The following RNLS variants were observed in gnomAD, a reference collection of about 807,000 sequenced individuals.
The protein encoded by RNLS is renalase.
Under a neutral mutation model 39.8 loss-of-function variants are expected in RNLS, and 39 were observed. The observed-to-expected ratio is 0.98, with a 90% confidence interval of 0.76 to 1.28. The LOEUF is 1.28. RNLS is among the 50% of genes most tolerant of loss of function. RNLS has a pLI of 0.00. For missense variants in RNLS, 410 were observed against 413.3 expected, an observed-to-expected ratio of 0.99 and a Z score of 0.07; for synonymous variants, 147 against 150.7, an observed-to-expected ratio of 0.98 and a Z score of 0.18.
intron 4 of RNLS, among the ~76,000 whole-genome samples, chr10:88,515,530 A>C (rs1056347941): frequency 6.6e-6 from 1 of 152,016 alleles, no homozygotes; most frequent in African/African-American, 2.4e-5. Flanking sequence ...TTAACTCCTC[A>C]AGGCTGGTTT....
chr10:88,222,000 G>T, the RNLS span, among the ~76,000 whole-genome samples: 1 of 152,200 alleles, frequency 6.6e-6, no homozygotes, highest in East Asian at 1.9e-4. Flanking sequence ...ATGCTGGATG[G>T]AAAGTTGGGT....
the RNLS span, among the ~76,000 whole-genome samples, chr10:88,203,407 TATATACAC>T: frequency 0.72 from 18,855 of 26,198 alleles, 8,122 homozygotes; most frequent in Non-Finnish European, 0.84. Context: ...TATATATATA[TATATACAC>T]GTATGTGTAT....
At chr10:88,184,228 C>T in the RNLS span, among the ~76,000 whole-genome samples, 3 of 152,114 alleles carry the variant, frequency 2.0e-5, no homozygotes, top group African/African-American at 7.2e-5. Flanking sequence ...TCAAGAGCTA[C>T]CTGTCCTTGA....
chr10:88,571,273 C>T (rs554506330), intron 4 of RNLS, among the ~76,000 whole-genome samples: 1 of 152,104 alleles, frequency 6.6e-6, no homozygotes, highest in African/African-American at 2.4e-5. Context: ...TGAGCTACCA[C>T]ACCTGGCCTA....
intron 4 of RNLS, among the ~76,000 whole-genome samples, chr10:88,413,332 C>T (rs1461837657): frequency 6.6e-6 from 1 of 152,124 alleles, no homozygotes. Context: ...GAACTTAATT[C>T]CCAACATTAC....
In RNLS at chr10:88,582,921, G is replaced by A. The variant is rs564500309; in HGVS notation, c.118+152C>T. 171 of 856,508 alleles carry A rather than the reference G, an allele frequency of 2.0e-4. 1 individual carries two copies. The African/African-American group carries it at 3.0e-3, about 15-fold the overall frequency. The allele number at this position is 856,508 out of a possible 1,614,324, so 53.1% of individuals were successfully genotyped here. On this transcript the variant is annotated intron_variant, in intron 1 of 6. Coordinates refer to ENST00000331772, the MANE Select transcript of RNLS (RefSeq NM_001031709.3). ...AGTCCCCGATCACGTGACGAGGCGC[G>A]CCACTCGGCGCATGGGCCGCGCTAC... is the stretch of plus-strand genomic sequence containing the variant.
chr10:88,440,929 A>C (rs1841675247), intron 4 of RNLS, among the ~76,000 whole-genome samples: 1 of 152,204 alleles, frequency 6.6e-6, no homozygotes, highest in African/African-American at 2.4e-5. Context: ...AGGAGAAAGA[A>C]AGAATGGAAG....
chr10:88,416,220 TTA>T (rs1007425786), intron 4 of RNLS, among the ~76,000 whole-genome samples: 17 of 148,256 alleles, frequency 1.1e-4, no homozygotes, highest in Admixed American at 3.4e-4. Flanking sequence ...TATATCTGAA[TTA>T]TATATATATA....
chr10:88,172,839 G>GTTTTT, the RNLS span, among the ~76,000 whole-genome samples: 31 of 31,502 alleles, frequency 9.8e-4, 2 homozygotes, highest in African/African-American at 2.3e-3. Context: ...TGCATTTTGA[G>GTTTTT]TTGTTTTTTT....
intron 6 of RNLS, among the ~76,000 whole-genome samples, chr10:88,277,629 A>G (rs1014175016): frequency 1.3e-5 from 2 of 152,210 alleles, no homozygotes; most frequent in African/African-American, 2.4e-5. Flanking sequence ...TCATCAATCT[A>G]AAAGTTGGTG....
At chr10:88,514,323 GA>G (rs1179295311) in intron 4 of RNLS, among the ~76,000 whole-genome samples, 2 of 151,946 alleles carry the variant, frequency 1.3e-5, no homozygotes, top group Admixed American at 1.3e-4. Context: ...CAGCATGGGG[GA>G]AACCACCCCC....
intron 4 of RNLS, among the ~76,000 whole-genome samples, chr10:88,426,591 T>C (rs187317721): frequency 6.6e-6 from 1 of 152,214 alleles, no homozygotes; most frequent in East Asian, 1.9e-4. Flanking sequence ...CATTTAATCA[T>C]AGCTATCACT....
At chr10:88,549,134 C>T (rs1848488700) in intron 4 of RNLS, among the ~76,000 whole-genome samples, 1 of 152,112 alleles carries the variant, frequency 6.6e-6, no homozygotes, top group Non-Finnish European at 1.5e-5. Context: ...ACTGTCTCAT[C>T]TCCTAAAACT....
At chr10:88,352,928 G>C (rs566657138) in intron 5 of RNLS, among the ~76,000 whole-genome samples, 6 of 152,308 alleles carry the variant, frequency 3.9e-5, no homozygotes, top group African/African-American at 1.4e-4. Flanking sequence ...TTTAGTCTTA[G>C]GAAGGTGTAT....
intron 5 of RNLS, among the ~76,000 whole-genome samples, chr10:88,347,616 A>G (rs538967015): frequency 7.9e-5 from 12 of 152,108 alleles, no homozygotes; most frequent in African/African-American, 2.6e-4. Context: ...ACCCCCCCCA[A>G]TAAAAAAGCA....
intron 6 of RNLS, among the ~76,000 whole-genome samples, chr10:88,290,217 G>C (rs1292998355): frequency 6.6e-6 from 1 of 152,140 alleles, no homozygotes; most frequent in South Asian, 2.1e-4. Flanking sequence ...CCTGGACTAG[G>C]AGACATTTCC....
the RNLS span, among the ~76,000 whole-genome samples, chr10:88,226,297 A>C: frequency 6.6e-6 from 1 of 152,228 alleles, no homozygotes; most frequent in Admixed American, 6.5e-5. Context: ...TCAGTCTTCA[A>C]TAAACAACTA....
intron 4 of RNLS, among the ~76,000 whole-genome samples, chr10:88,473,212 G>A (rs1027735932): frequency 2.0e-5 from 3 of 152,154 alleles, no homozygotes; most frequent in African/African-American, 4.8e-5. Context: ...GACCACTGAC[G>A]TATATGTGAT....
the RNLS span, among the ~76,000 whole-genome samples, chr10:88,251,916 C>T: frequency 1.3e-5 from 2 of 152,172 alleles, no homozygotes; most frequent in African/African-American, 4.8e-5. Flanking sequence ...AAAGCCTCTT[C>T]CAATGGTGCA....
Sources: gnomAD v4.1 joint callset for allele counts (sites outside exome capture counted in the v4.1 genomes callset) on GRCh38, gnomAD v4.1.1 for gene constraint, MANE v1.5 for transcripts, NCBI Gene and HGNC (gene_info 2026-07-23, HGNC 2026-07-21) for gene names.